FBN2: variants seen among roughly 807,000 people sequenced by gnomAD.
The protein encoded by FBN2 is fibrillin 2.
FBN2 carries 105 observed loss-of-function variants against 355.6 expected under a neutral mutation model. The ratio of observed to expected loss-of-function variants is 0.30; its 90% CI spans 0.25 to 0.35. The LOEUF (loss-of-function observed/expected upper bound fraction) is 0.35. FBN2 is among the 10% of genes least tolerant of loss of function. The pLI, the probability that FBN2 is intolerant of heterozygous loss-of-function variation, is 1.00. For synonymous variants in FBN2, 1,350 were observed against 1,301.2 expected (o/e 1.04, Z -0.81); for missense variants, 3,280 against 3,758.7 (o/e 0.87, Z 3.33).
rs190277792 is a variant in FBN2 at position 128,427,358 on chromosome 5, C to T, written c.953-18559G>A. ...GTTAGAATAATGAGATTTTTGTTCTCTATAGAAACTAAATATAGCACCTTA... is the reference window on the plus strand; with the variant it reads ...GTTAGAATAATGAGATTTTTGTTCTTTATAGAAACTAAATATAGCACCTTA... On this transcript the variant is annotated intron_variant, in intron 7 of 64. Coordinates refer to ENST00000262464, the MANE Select transcript of FBN2 (RefSeq NM_001999.4). Among the ~76,000 whole-genome samples, 1,123 of 149,976 alleles carry T rather than the reference C, an allele frequency of 7.5e-3. 14 individuals are homozygous for T. The highest frequency in any genetic ancestry group is 0.026 in the African/African-American group (1,056 of 41,260).
Position 128,309,371 on chromosome 5 carries a change from G to T in FBN2, c.5229C>A (p.Ser1743Arg), listed in dbSNP as rs533103616. The T allele has an allele frequency of 3.1e-6, 5 of 1,613,924 alleles. No homozygotes were observed. The highest frequency in any genetic ancestry group is 3.4e-6 in the Non-Finnish European group (4 of 1,179,850). Reference protein sequence around the residue: ...MDMRKSFCYRSYNGTTCENEL... With the variant: ...MDMRKSFCYRRYNGTTCENEL... ...CATTCTCACAAGTGGTTCCATTATA[G>T]CTTCGGTAGCAAAAGCTTTTTCTCA... The change falls in exon 41 of 65, where the codon AGC (serine) becomes AGA (arginine). Residue 1743 changes from serine to arginine, a missense_variant. Ser to Arg is a moderately radical substitution (Grantham distance 110). Around this residue, in one of 6 missense-constraint regions of FBN2, gnomAD observed 2,284 missense variants for 2,749.5 expected, o/e 0.83. Coordinates refer to ENST00000262464, the MANE Select transcript of FBN2 (RefSeq NM_001999.4).
chr5:128,507,255 T>C (rs1480808415), intron 5 of FBN2, among the ~76,000 whole-genome samples: 2 of 152,052 alleles, frequency 1.3e-5, no homozygotes, highest in Non-Finnish European at 2.9e-5. Flanking sequence ...ATTTAATTGA[T>C]ACAGGGATAT....
intron 63 of FBN2, 106 bp from the exon 64 acceptor site, chr5:128,262,013 C>T: frequency 1.2e-6 from 1 of 865,172 alleles, no homozygotes; most frequent in Non-Finnish European, 2.0e-6. Flanking sequence ...AGAGCAAACA[C>T]TAAACTCATA....
intron 32 of FBN2, among the ~76,000 whole-genome samples, chr5:128,331,229 A>G (rs1208835345): frequency 2.0e-5 from 3 of 152,226 alleles, no homozygotes; most frequent in East Asian, 1.9e-4. Context: ...AGAGAATAAA[A>G]AAGGCATCTG....
intron 34 of FBN2, among the ~76,000 whole-genome samples, chr5:128,322,586 G>T (rs1372000997): frequency 6.6e-6 from 1 of 152,152 alleles, no homozygotes; most frequent in Non-Finnish European, 1.5e-5. Flanking sequence ...TCAAAGATCA[G>T]ATGGTTGTAG....
chr5:128,289,079 G>A (rs1749243746), intron 52 of FBN2, 48 bp downstream of exon 52: 1 of 1,598,142 alleles, frequency 6.3e-7, no homozygotes, highest in East Asian at 2.2e-5. Context: ...CTGAATATGA[G>A]AAGTAAAATA....
rs371629482 is a variant in FBN2 at position 128,328,745 on chromosome 5, G to A, written c.4422C>T (p.Cys1474=). 1.2e-5 allele frequency: 20 copies of A among 1,614,026 alleles called. No individual in the cohort carries two copies. The highest frequency in any genetic ancestry group is 9.9e-5 in the South Asian group (9 of 91,084). The part of the protein sequence containing the change: ...QCLNVPGAYR[C]ECEMGFTPAS... ...CTGGAGTGAAGCCCATCTCACACTCGCAGCGATATGCACCCGGGACATTAA... is the reference window on the plus strand; with the variant it reads ...CTGGAGTGAAGCCCATCTCACACTCACAGCGATATGCACCCGGGACATTAA... Residue 1474 remains cysteine (C), a synonymous_variant, in exon 34 of 65, where the codon TGC becomes TGT. Coordinates refer to ENST00000262464, the MANE Select transcript of FBN2 (RefSeq NM_001999.4).
intron 5 of FBN2, among the ~76,000 whole-genome samples, chr5:128,465,810 T>C (rs996617439): frequency 2.0e-5 from 3 of 152,158 alleles, no homozygotes; most frequent in Admixed American, 6.5e-5. Flanking sequence ...TCCATTTAGA[T>C]CCCCGCCTCT....
intron 4 of FBN2, among the ~76,000 whole-genome samples, chr5:128,524,234 G>A (rs1312491753): frequency 6.6e-6 from 1 of 151,962 alleles, no homozygotes; most frequent in Admixed American, 6.6e-5. Context: ...TTTTTCCATA[G>A]ATTTAAAGGC....
chr5:128,422,178 A>C (rs1270671998), intron 7 of FBN2, among the ~76,000 whole-genome samples: 1 of 152,206 alleles, frequency 6.6e-6, no homozygotes, highest in Non-Finnish European at 1.5e-5. Context: ...CTGACTTCTG[A>C]TCTCTAGAAC....
Position 128,537,608 on chromosome 5 carries a change from G to C in FBN2, c.-5C>G. On this transcript the variant is annotated 5_prime_UTR_variant, in exon 1 of 65. Coordinates refer to ENST00000262464, the MANE Select transcript of FBN2 (RefSeq NM_001999.4). The stretch of plus-strand genomic sequence containing the variant: ...CAGCCTCCGTCTTCTCCCCATCGCC[G>C]GCGCCGAAAGCGCGCGGCCGTAGAC... 7 of 1,606,284 alleles carry C rather than the reference G, an allele frequency of 4.4e-6. No homozygotes were observed. The highest frequency in any genetic ancestry group is 5.1e-6 in the Non-Finnish European group (6 of 1,178,064).
chr5:128,305,977 ATGT>A (rs1461784236), intron 42 of FBN2, 29 bp from the exon 43 acceptor site: 1 of 1,604,258 alleles, frequency 6.2e-7, no homozygotes, highest in Admixed American at 1.7e-5. Context: ...GGTCAAATAT[ATGT>A]TGTTCTGTTT....
chr5:128,278,776 G>A lies in FBN2; in HGVS notation c.7204C>T (p.Arg2402Cys), dbSNP rs916476326. Residue 2402 changes from arginine (R) to cysteine (C), a missense_variant, in exon 57 of 65, where the codon CGC (arginine) becomes TGC (cysteine). Arg to Cys is a radical substitution (Grantham distance 180). Transcript: ENST00000262464. Reference sequence around the variant, plus strand: ...CATTCTGACTTAGTGACGAGATTGCGACTACTGGATGCCATTTGACATATT... The same window carrying A: ...CATTCTGACTTAGTGACGAGATTGCAACTACTGGATGCCATTTGACATATT... ...QTICQMASSSRNLVTKSECCC... is the reference protein window; with the variant it reads ...QTICQMASSSCNLVTKSECCC... 6 of 1,613,946 alleles carry A rather than the reference G, an allele frequency of 3.7e-6. No homozygotes were observed. The highest frequency in any genetic ancestry group is 2.7e-5 in the African/African-American group (2 of 74,906).
At chr5:128,452,311 A>C (rs1345743262) in intron 6 of FBN2, among the ~76,000 whole-genome samples, 2 of 152,208 alleles carry the variant, frequency 1.3e-5, no homozygotes, top group Non-Finnish European at 2.9e-5. Context: ...ATTTTGAATT[A>C]TTCCAAATCA....
rs112876481 is a variant in FBN2, at chr5:128,527,469, T to C, written c.532+403A>G. ...AATTTTGAGAAGTTCTAAAAAATCATAGATACAAAGAGGGAACTGGAGAGG... is the reference window on the plus strand; with the variant it reads ...AATTTTGAGAAGTTCTAAAAAATCACAGATACAAAGAGGGAACTGGAGAGG... On this transcript the variant is annotated intron_variant, in intron 4 of 64. Transcript: ENST00000262464. Among the ~76,000 whole-genome samples, 1,254 of 151,982 alleles carry C rather than the reference T, an allele frequency of 8.3e-3. 16 individuals carry two copies. Among genetic ancestry groups the C allele is most frequent in the African/African-American group, 0.027 (1,139 of 41,472 alleles).
intron 5 of FBN2, among the ~76,000 whole-genome samples, chr5:128,468,426 C>T (rs1023797613): frequency 2.6e-5 from 4 of 152,152 alleles, no homozygotes. Context: ...TATATGTTTT[C>T]ATTTCTCTTG....
intron 16 of FBN2, among the ~76,000 whole-genome samples, chr5:128,367,252 T>C (rs1751797980): frequency 6.6e-6 from 1 of 152,164 alleles, no homozygotes; most frequent in African/African-American, 2.4e-5. Flanking sequence ...CCATCAGCGG[T>C]ATAAGACAGT....
At chr5:128,494,444 T>C (rs1016256820) in intron 5 of FBN2, among the ~76,000 whole-genome samples, 1 of 152,048 alleles carries the variant, frequency 6.6e-6, no homozygotes, top group East Asian at 1.9e-4. Context: ...CTTTTTGGAG[T>C]CAGAGGCTCA....
chr5:128,328,284 C>A, intron 34 of FBN2: 1 of 376,382 alleles, frequency 2.7e-6, no homozygotes, highest in South Asian at 2.6e-5. Flanking sequence ...AGACAGCAGT[C>A]TCAACCACGA....
Sources: gnomAD v4.1 joint callset for allele counts (sites outside exome capture counted in the v4.1 genomes callset) on GRCh38, gnomAD v4.1.1 for gene constraint, gnomAD v4.1.1 regional missense constraint, MANE v1.5 for transcripts, NCBI Gene and HGNC (gene_info 2026-07-23, HGNC 2026-07-21) for gene names.